The following MLLT3 variants were observed in gnomAD, a reference collection of about 807,000 sequenced individuals.
MLLT3 encodes the protein protein AF-9.
A neutral mutation model predicts 53.2 loss-of-function variants in MLLT3; 4 were observed. That is an observed-to-expected ratio of 0.08 (90% CI 0.04 to 0.17). The LOEUF is 0.17. Ranked by LOEUF, MLLT3 falls within the 10% of genes least tolerant of loss-of-function variation. MLLT3 has a pLI of 1.00. For synonymous variants in MLLT3, 283 were observed against 230.6 expected (o/e 1.23, Z -2.06); for missense variants, 569 against 684.0 (o/e 0.83, Z 1.87).
At chr9:20,509,974 T>C (rs1459976691) in intron 2 of MLLT3, among the ~76,000 whole-genome samples, 1 of 152,142 alleles carries the variant, frequency 6.6e-6, no homozygotes, top group Non-Finnish European at 1.5e-5. Context: ...ATATCAACAT[T>C]ACCTTAGCTG....
In MLLT3 at chr9:20,346,581, G is replaced by C; in HGVS notation, c.1576-7C>G. ...CTTCTATAAGGTTCACGATCTAGAG[G>C]AGTGAAGAAGAGAAAGTTTGGGCAA... On this transcript the variant is annotated splice_polypyrimidine_tract_variant and splice_region_variant and intron_variant, in intron 10 of 10. Transcript: ENST00000380338. 1 of 1,609,842 alleles carries C rather than the reference G, an allele frequency of 6.2e-7. No individual in the cohort carries two copies. The highest frequency in any genetic ancestry group is 1.1e-5 in the South Asian group (1 of 89,994).
At chr9:20,471,280 T>TTATTAC (rs1285659698) in intron 2 of MLLT3, among the ~76,000 whole-genome samples, 1 of 152,034 alleles carries the variant, frequency 6.6e-6, no homozygotes, top group Non-Finnish European at 1.5e-5. Flanking sequence ...TTATTACTTG[T>TTATTAC]AATAATAAGA....
At chr9:20,373,716 C>T (rs930028414) in intron 5 of MLLT3, among the ~76,000 whole-genome samples, 13 of 152,058 alleles carry the variant, frequency 8.5e-5, no homozygotes, top group African/African-American at 2.4e-4. Flanking sequence ...AGTTACATTA[C>T]GAAAATGTAA....
intron 2 of MLLT3, among the ~76,000 whole-genome samples, chr9:20,480,123 T>C (rs934387110): frequency 4.6e-5 from 7 of 152,202 alleles, no homozygotes; most frequent in East Asian, 3.8e-4. Flanking sequence ...CTTTCTGCCA[T>C]TGACTTATTT....
chr9:20,516,879 A>G (rs1016740967), intron 2 of MLLT3, among the ~76,000 whole-genome samples: 2 of 152,234 alleles, frequency 1.3e-5, no homozygotes, highest in African/African-American at 4.8e-5. Context: ...ATTATAATAA[A>G]TCCAACTCAT....
At chr9:20,357,979 G>GCACACACACACACACACA (rs1491136011) in intron 8 of MLLT3, among the ~76,000 whole-genome samples, 9 of 137,778 alleles carry the variant, frequency 6.5e-5, no homozygotes, top group African/African-American at 2.2e-4. Flanking sequence ...CCTCCCTCCT[G>GCACACACACACACACACA]CGCACACACA....
chr9:20,416,807 A>G (rs1222828711), intron 4 of MLLT3, among the ~76,000 whole-genome samples: 3 of 152,130 alleles, frequency 2.0e-5, no homozygotes, highest in Non-Finnish European at 2.9e-5. Context: ...TTCCATAACA[A>G]TGTCTTAAAT....
At chr9:20,414,842 A>G (rs1015740924) in intron 4 of MLLT3, among the ~76,000 whole-genome samples, 1 of 152,232 alleles carries the variant, frequency 6.6e-6, no homozygotes, top group African/African-American at 2.4e-5. Context: ...CATGGGGCGA[A>G]GAATAATTCA....
At chr9:20,381,412 T>C (rs1821904934) in intron 5 of MLLT3, among the ~76,000 whole-genome samples, 1 of 151,738 alleles carries the variant, frequency 6.6e-6, no homozygotes, top group South Asian at 2.1e-4. Context: ...AACTGTTATA[T>C]TTCTCTAGGA....
chr9:20,515,290 T>C (rs770483972), intron 2 of MLLT3, among the ~76,000 whole-genome samples: 54 of 152,162 alleles, frequency 3.5e-4, no homozygotes, highest in Non-Finnish European at 3.7e-4. Flanking sequence ...TTATAATAAA[T>C]GTAACGATGT....
chr9:20,357,992 C>CACACACAG (rs757096075), intron 8 of MLLT3, among the ~76,000 whole-genome samples: 2 of 147,660 alleles, frequency 1.4e-5, no homozygotes, highest in South Asian at 4.2e-4. Flanking sequence ...CACACACACA[C>CACACACAG]ACACACACAC....
intron 5 of MLLT3, among the ~76,000 whole-genome samples, chr9:20,404,561 G>A (rs191736582): frequency 9.8e-4 from 150 of 152,312 alleles, no homozygotes; most frequent in Non-Finnish European, 1.7e-3. Flanking sequence ...CTGGAGTGCA[G>A]TGATGTGATC....
Position 20,621,012 on chromosome 9 carries a change from C to A in MLLT3, c.13-178G>T. 3.9e-6 allele frequency: 3 copies of A among 775,470 alleles called. No individual in the cohort carries two copies. The highest frequency in any genetic ancestry group is 1.5e-5 in the South Asian group (1 of 68,068). 48.0% of individuals were successfully genotyped at this position (775,470 alleles called of 1,614,324 possible). A position where few individuals can be genotyped will look rare whatever the true frequency, so the allele number is the denominator to read the frequency against. The stretch of plus-strand genomic sequence containing the variant: ...CGCACACTCCACACCCCCAAATATA[C>A]CCGCCCGCCCGGCCCGGCTTGGCCC... On this transcript the variant is annotated intron_variant, in intron 1 of 10. Transcript: ENST00000380338. The surrounding 1 kb of genome is among the most constrained non-coding windows in gnomAD (Gnocchi z 7.0).
chr9:20,407,602 G>T (rs562795973), intron 5 of MLLT3, among the ~76,000 whole-genome samples: 5 of 152,280 alleles, frequency 3.3e-5, no homozygotes, highest in African/African-American at 1.2e-4. Flanking sequence ...ATTTTAGTAT[G>T]AATCCAAGGA....
intron 4 of MLLT3, among the ~76,000 whole-genome samples, chr9:20,430,355 C>T (rs1204025317): frequency 1.3e-5 from 2 of 151,892 alleles, no homozygotes; most frequent in Admixed American, 6.6e-5. Context: ...GAACTTGTTA[C>T]ATTATATAGC....
At chr9:20,479,097 T>A (rs1824599031) in intron 2 of MLLT3, among the ~76,000 whole-genome samples, 1 of 152,178 alleles carries the variant, frequency 6.6e-6, no homozygotes, top group Non-Finnish European at 1.5e-5. Flanking sequence ...ACATGATGAA[T>A]CTCTTTAATT....
chr9:20,414,515 T>C (rs1049658918), intron 4 of MLLT3, 90 bp from the exon 5 acceptor site: 1 of 1,564,416 alleles, frequency 6.4e-7, no homozygotes, highest in Non-Finnish European at 8.6e-7. Context: ...CCTTCTTTGA[T>C]TCCTCTCAAG....
intron 5 of MLLT3, among the ~76,000 whole-genome samples, chr9:20,409,712 C>T (rs532964562): frequency 2.6e-5 from 4 of 152,344 alleles, no homozygotes; most frequent in African/African-American, 9.6e-5. Flanking sequence ...CACAGTCCTT[C>T]TGCCTGTCTA....
intron 2 of MLLT3, among the ~76,000 whole-genome samples, chr9:20,586,606 C>A (rs567091271): frequency 2.0e-5 from 3 of 151,908 alleles, no homozygotes; most frequent in East Asian, 1.9e-4. Flanking sequence ...AGGCAAAATA[C>A]CATGGAGGCA....
Sources: allele counts gnomAD v4.1 joint callset (sites outside exome capture counted in the v4.1 genomes callset), GRCh38; gene constraint gnomAD v4.1.1; non-coding constraint Gnocchi (gnomAD v3.1); transcripts MANE v1.5; gene names NCBI Gene and HGNC (gene_info 2026-07-23, HGNC 2026-07-21).